Variants in PCDHA3 observed in about 807,000 individuals in gnomAD.
The protein encoded by PCDHA3 is protocadherin alpha 3, also known as protocadherin alpha-3.
PCDHA3 carries 41 observed loss-of-function variants against 62.2 expected under a neutral mutation model. That is an observed-to-expected ratio of 0.66 (90% CI 0.51 to 0.86). The LOEUF (loss-of-function observed/expected upper bound fraction) is 0.86. Among genes scored for constraint, PCDHA3 ranks in the 40% least tolerant of loss-of-function variants. The pLI is 0.00. For missense variants in PCDHA3, 1,304 were observed against 1,241.2 expected (o/e 1.05, Z -0.76); for synonymous variants, 640 against 555.4 (o/e 1.15, Z -2.14).
chr5:141,001,022 T>C (rs2097984457), intron 3 of PCDHA3, among the ~76,000 whole-genome samples: 1 of 152,250 alleles, frequency 6.6e-6, no homozygotes, highest in Non-Finnish European at 1.5e-5. Context: ...TATACACTTA[T>C]AATAATAGCT....
intron 1 of PCDHA3, chr5:140,870,649 G>T (rs533111347): frequency 1.2e-6 from 2 of 1,612,592 alleles, no homozygotes; most frequent in Non-Finnish European, 1.7e-6. Flanking sequence ...GAGCGGCAAG[G>T]TGTACGCGCT....
At chr5:140,833,391 C>T (rs139841955) in intron 1 of PCDHA3, among the ~76,000 whole-genome samples, 1 of 152,258 alleles carries the variant, frequency 6.6e-6, no homozygotes, top group Non-Finnish European at 1.5e-5. Flanking sequence ...TGAAATACCT[C>T]AAGACTTGAT....
intron 1 of PCDHA3, chr5:140,869,254 G>C (rs2050982255): frequency 6.2e-7 from 1 of 1,613,494 alleles, no homozygotes; most frequent in African/African-American, 1.3e-5. Flanking sequence ...CATCGCGCAG[G>C]ACCTGGGGCT....
At chr5:140,812,314 C>T (rs2126637333) in intron 1 of PCDHA3, 11 of 152,086 alleles carry the variant, frequency 7.2e-5, no homozygotes, top group Non-Finnish European at 1.0e-4. Context: ...TTAAAAGCCT[C>T]TTATAATTGT....
intron 1 of PCDHA3, chr5:140,835,577 G>A: frequency 1.9e-6 from 3 of 1,613,890 alleles, no homozygotes; most frequent in Non-Finnish European, 2.5e-6. Flanking sequence ...TCAAGTTGGT[G>A]TCCACCTTCA....
Position 140,848,312 on chromosome 5 carries a change from C to A in PCDHA3, c.2394+44721C>A, listed in dbSNP as rs4151686. 12 of 726,146 alleles carry A rather than the reference C, an allele frequency of 1.7e-5. 1 individual carries two copies. Among genetic ancestry groups the A allele is most frequent in the Non-Finnish European group, 2.5e-5 (11 of 437,168 alleles). The allele number at this position is 726,146 out of a possible 1,614,324, so 45.0% of individuals were successfully genotyped here. On this transcript the variant is annotated intron_variant, in intron 1 of 3. Transcript: ENST00000522353. ...TTGGGCCACGTGATGTCACTCTTTG[C>A]CGCGATGTTCTCTCTGAATCCAGAC... is the stretch of plus-strand genomic sequence containing the variant.
intron 1 of PCDHA3, chr5:140,968,172 T>C (rs2096226402): frequency 6.2e-7 from 1 of 1,614,110 alleles, no homozygotes; most frequent in Non-Finnish European, 8.5e-7. Flanking sequence ...CCACCAAGCT[T>C]CCTGGAGGAC....
intron 1 of PCDHA3, chr5:140,842,100 C>G: frequency 1.2e-6 from 2 of 1,613,850 alleles, no homozygotes; most frequent in Non-Finnish European, 1.7e-6. Flanking sequence ...AACGGAACAA[C>G]AGTTATCAAA....
intron 1 of PCDHA3, among the ~76,000 whole-genome samples, chr5:140,972,660 A>ATT (rs11350929): frequency 4.2e-4 from 49 of 117,232 alleles, no homozygotes; most frequent in Non-Finnish European, 5.7e-4. Context: ...AAGAAACCAA[A>ATT]TTTTTTTTTT....
intron 1 of PCDHA3, chr5:140,810,853 CAATT>C (rs1394069722): frequency 9.9e-5 from 15 of 152,090 alleles, no homozygotes; most frequent in African/African-American, 3.1e-4. Flanking sequence ...TGATTAAACT[CAATT>C]TATCAATTTT....
At chr5:140,927,076 C>T (rs142317713) in intron 1 of PCDHA3, 7 of 1,611,008 alleles carry the variant, frequency 4.3e-6, no homozygotes, top group Non-Finnish European at 5.1e-6. Context: ...TTCCAGCCAC[C>T]GCGAGCTCTA....
At chr5:140,807,077 C>A (rs1763842173) in intron 1 of PCDHA3, 2 of 1,247,964 alleles carry the variant, frequency 1.6e-6, no homozygotes, top group Non-Finnish European at 2.3e-6. Flanking sequence ...CATATACACT[C>A]TTTGGAGTCT....
chr5:140,928,161 C>T (rs155820), intron 1 of PCDHA3: 1 of 1,613,960 alleles, frequency 6.2e-7, no homozygotes, highest in South Asian at 1.1e-5. Context: ...GTGGCTCACC[C>T]CCACTTAGCA....
At chr5:140,841,266 C>T in intron 1 of PCDHA3, 3 of 1,522,300 alleles carry the variant, frequency 2.0e-6, no homozygotes, top group Non-Finnish European at 2.6e-6. Flanking sequence ...TCTGAAAGTA[C>T]AGTCGTTCAT....
intron 1 of PCDHA3, chr5:140,843,458 C>T: frequency 6.3e-7 from 1 of 1,596,092 alleles, no homozygotes; most frequent in Non-Finnish European, 8.6e-7. Flanking sequence ...CCTGCTGGTG[C>T]TCACGCTGCT....
intron 1 of PCDHA3, among the ~76,000 whole-genome samples, chr5:140,914,012 G>A (rs2153528687): frequency 6.6e-6 from 1 of 152,234 alleles, no homozygotes; most frequent in Admixed American, 6.5e-5. Context: ...CTATCTTTGA[G>A]AATGATCCAC....
chr5:140,950,720 T>C (rs2094512536), intron 1 of PCDHA3, among the ~76,000 whole-genome samples: 1 of 152,106 alleles, frequency 6.6e-6, no homozygotes, highest in South Asian at 2.1e-4. Flanking sequence ...CTTATATCCT[T>C]AAATTTTTTA....
rs57893927 is a variant in PCDHA3 at position 140,946,631 on chromosome 5, T to TATATATAC, written c.2395-32317_2395-32316insTATATACA. Among the ~76,000 whole-genome samples the TATATATAC allele has an allele frequency of 9.9e-4, 130 of 131,716 alleles. 1 individual carries two copies. The highest frequency in any genetic ancestry group is 2.9e-3 in the East Asian group (14 of 4,862). 86.4% of individuals were successfully genotyped at this position (131,716 alleles called of 152,430 possible). A position where few individuals can be genotyped will look rare whatever the true frequency, so the allele number is the denominator to read the frequency against. ...TGTGAAATATATATATATATATATA[T>TATATATAC]ACAATGGAATACTCATCAGCCATTA... On this transcript the variant is annotated intron_variant, in intron 1 of 3. Coordinates refer to ENST00000522353, the MANE Select transcript of PCDHA3 (RefSeq NM_018906.3).
At chr5:140,997,697 T>C (rs2153948518) in intron 3 of PCDHA3, among the ~76,000 whole-genome samples, 1 of 151,394 alleles carries the variant, frequency 6.6e-6, no homozygotes. Flanking sequence ...TGTGTGTGTG[T>C]ATGTTAACAA....
Sources: allele counts gnomAD v4.1 joint callset (sites outside exome capture counted in the v4.1 genomes callset), GRCh38; gene constraint gnomAD v4.1.1; transcripts MANE v1.5; gene names NCBI Gene and HGNC (gene_info 2026-07-23, HGNC 2026-07-21).